MGMT: variants seen among roughly 807,000 people sequenced by gnomAD.
MGMT encodes the protein methylated-DNA--protein-cysteine methyltransferase.
Under a neutral mutation model 15.9 loss-of-function variants are expected in MGMT, and 14 were observed. The observed-to-expected ratio is 0.88, with a 90% CI of 0.58 to 1.37. The LOEUF (loss-of-function observed/expected upper bound fraction) is 1.37. Among genes scored for constraint, MGMT ranks in the 40% most tolerant of loss-of-function variants. The pLI is 0.00. For synonymous variants in MGMT, 130 were observed against 118.2 expected (o/e 1.10, Z -0.65); for missense variants, 282 against 268.1 (o/e 1.05, Z -0.36).
At chr10:129,509,863 C>G (rs1845663052) in intron 1 of MGMT, among the ~76,000 whole-genome samples, 1 of 152,344 alleles carries the variant, frequency 6.6e-6, no homozygotes, top group East Asian at 1.9e-4. Context: ...CACCAAATGG[C>G]TCCAGCACCA....
rs1846360507 is a variant in MGMT, at chr10:129,566,833, G to C, written c.125+30456G>C. On this transcript the variant is annotated intron_variant, in intron 2 of 4. Transcript: ENST00000651593. This position sits in a 1 kb window ranked among gnomAD's most constrained non-coding sequence, Gnocchi z 4.1. ...CACATTTTTGAAGAGCTGCAGGCTG[G>C]GGAGCCCCCGTGGCGAACAGAGGCT... Among the ~76,000 whole-genome samples, 1 of 152,132 alleles carries C rather than the reference G, an allele frequency of 6.6e-6. No homozygotes were observed. Among genetic ancestry groups the C allele is most frequent in the African/African-American group, 2.4e-5 (1 of 41,432 alleles).
At chr10:129,704,282 A>G (rs1417406240) in intron 2 of MGMT, among the ~76,000 whole-genome samples, 1 of 151,884 alleles carries the variant, frequency 6.6e-6, no homozygotes, top group Non-Finnish European at 1.5e-5. Context: ...CCCTAAGGAA[A>G]CTCTGAGAGA....
In MGMT at chr10:129,556,567, G is replaced by A. The variant is rs146453243; in HGVS notation, c.125+20190G>A. On this transcript the variant is annotated intron_variant, in intron 2 of 4. Transcript: ENST00000651593. The surrounding 1 kb of genome is among the most constrained non-coding windows in gnomAD (Gnocchi z 4.3). ...ACGCAGCCTCGTCGGTGGGTTTGGTGATGCTGTGCAGTTCAGCTTTACCGT... is the reference window on the plus strand; with the variant it reads ...ACGCAGCCTCGTCGGTGGGTTTGGTAATGCTGTGCAGTTCAGCTTTACCGT... 6.6e-5 allele frequency among the ~76,000 whole-genome samples: 10 copies of A among 152,280 alleles called. No individual in the cohort carries two copies. Among genetic ancestry groups the A allele is most frequent in the African/African-American group, 2.2e-4 (9 of 41,558 alleles).
intron 1 of MGMT, among the ~76,000 whole-genome samples, chr10:129,474,516 G>A (rs1845267801): frequency 6.6e-6 from 1 of 152,200 alleles, no homozygotes; most frequent in Non-Finnish European, 1.5e-5. Flanking sequence ...TAAAGGATCT[G>A]GCTTTGGAAG....
At chr10:129,668,207 C>CT (rs1297123152) in intron 2 of MGMT, among the ~76,000 whole-genome samples, 3 of 151,724 alleles carry the variant, frequency 2.0e-5, no homozygotes. Flanking sequence ...GGTTGGCAAA[C>CT]TTTTTTCTGT....
chr10:129,518,481 C>CCCTTCCCTTCCCCCTGCCCCTCCT (rs1845766240), intron 1 of MGMT, among the ~76,000 whole-genome samples: 1 of 135,638 alleles, frequency 7.4e-6, no homozygotes, highest in Admixed American at 7.4e-5. Flanking sequence ...TGCCCCTCCT[C>CCCTTCCCTTCCCCCTGCCCCTCCT]CCCTCCCTTC....
chr10:129,487,912 GGTGTGTGTGTGTGTGTGTGTGT>G (rs145304551), intron 1 of MGMT, among the ~76,000 whole-genome samples: 1 of 137,606 alleles, frequency 7.3e-6, no homozygotes, highest in East Asian at 2.4e-4. Context: ...ACCATATAGG[GGTGTGTGTGTGTGTGTGTGTGT>G]GTATATATAT....
At chr10:129,717,189 G>A (rs1307552512) in intron 3 of MGMT, among the ~76,000 whole-genome samples, 1 of 152,206 alleles carries the variant, frequency 6.6e-6, no homozygotes, top group African/African-American at 2.4e-5. Context: ...AACTTTCAGT[G>A]TGATACCCTT....
intron 2 of MGMT, among the ~76,000 whole-genome samples, chr10:129,656,772 C>A (rs929096319): frequency 6.6e-6 from 1 of 152,046 alleles, no homozygotes; most frequent in Non-Finnish European, 1.5e-5. Flanking sequence ...TCAGAGATGT[C>A]TTTCTCTCTG....
Position 129,614,629 on chromosome 10 carries a change from C to T in MGMT, c.125+78252C>T, listed in dbSNP as rs538353464. On this transcript the variant is annotated intron_variant, in intron 2 of 4. Transcript: ENST00000651593. The stretch of plus-strand genomic sequence containing the variant: ...ATATCTGCTGCTCTGAAGGAAGAAA[C>T]GGGGATGGGCTGGACCATTGCACTT... Among the ~76,000 whole-genome samples, 60 of 152,260 alleles carry T rather than the reference C, an allele frequency of 3.9e-4. No individual in the cohort carries two copies. The South Asian group carries it at 0.012, about 30-fold the overall frequency.
At chr10:129,724,409 G>C (rs546432352) in intron 3 of MGMT, among the ~76,000 whole-genome samples, 1 of 152,288 alleles carries the variant, frequency 6.6e-6, no homozygotes, top group East Asian at 1.9e-4. Flanking sequence ...AAACTGGGAA[G>C]GGGCATGAGG....
intron 2 of MGMT, among the ~76,000 whole-genome samples, chr10:129,615,444 C>T (rs970624881): frequency 1.3e-5 from 2 of 152,154 alleles, no homozygotes; most frequent in Non-Finnish European, 2.9e-5. Flanking sequence ...AGTGGATCTT[C>T]TGCAGATCAT....
chr10:129,485,707 C>T (rs963009846), intron 1 of MGMT, among the ~76,000 whole-genome samples: 1 of 152,240 alleles, frequency 6.6e-6, no homozygotes, highest in African/African-American at 2.4e-5. Flanking sequence ...TTTCAGGCTA[C>T]TCATCCTGGA....
At chr10:129,474,591 C>T (rs1031537186) in intron 1 of MGMT, among the ~76,000 whole-genome samples, 43 of 152,206 alleles carry the variant, frequency 2.8e-4, no homozygotes, top group African/African-American at 1.0e-3. Flanking sequence ...TTCCCGACTG[C>T]AGCCGCGTTC....
intron 1 of MGMT, among the ~76,000 whole-genome samples, chr10:129,511,942 T>C (rs1227641355): frequency 2.0e-5 from 3 of 152,228 alleles, no homozygotes; most frequent in Admixed American, 6.5e-5. Flanking sequence ...GGCTGGCTGC[T>C]GCTCTTCCTT....
rs947053982 is a variant in MGMT, at chr10:129,579,007, C to A, written c.125+42630C>A. On this transcript the variant is annotated intron_variant, in intron 2 of 4. Coordinates refer to ENST00000651593, the MANE Select transcript of MGMT (RefSeq NM_002412.5). ...TTAAGCCTGCCGTCGCCTTAATGTA[C>A]TGTGTACATTAGATACGACTTCAGT... is the stretch of plus-strand genomic sequence containing the variant. Among the ~76,000 whole-genome samples, 5 of 152,258 alleles carry A rather than the reference C, an allele frequency of 3.3e-5. No individual in the cohort carries two copies. The East Asian group carries it at 7.7e-4, about 24-fold the overall frequency.
intron 3 of MGMT, 118 bp downstream of exon 3, chr10:129,708,161 A>C: frequency 7.2e-7 from 1 of 1,380,622 alleles, no homozygotes; most frequent in South Asian, 1.4e-5. Context: ...TCAGCTAAAC[A>C]GAGGCAGCGT....
intron 2 of MGMT, among the ~76,000 whole-genome samples, chr10:129,577,323 G>T (rs1846495858): frequency 6.6e-6 from 1 of 152,006 alleles, no homozygotes; most frequent in Non-Finnish European, 1.5e-5. Context: ...GCATGGTACT[G>T]GTACCAAAAC....
intron 2 of MGMT, among the ~76,000 whole-genome samples, chr10:129,600,026 G>A (rs571980406): frequency 9.9e-5 from 15 of 152,184 alleles, no homozygotes; most frequent in African/African-American, 2.2e-4. Flanking sequence ...GCAATTTGAC[G>A]GGTCATTTCT....
Sources: gnomAD v4.1 joint callset for allele counts (sites outside exome capture counted in the v4.1 genomes callset) on GRCh38, gnomAD v4.1.1 for gene constraint, Gnocchi (gnomAD v3.1) non-coding constraint, MANE v1.5 for transcripts, NCBI Gene and HGNC (gene_info 2026-07-23, HGNC 2026-07-21) for gene names.